The following PRDM5 variants were observed in gnomAD, a reference collection of about 807,000 sequenced individuals.
PRDM5 encodes the protein PR/SET domain 5.
PRDM5 carries 56 observed loss-of-function variants against 81.2 expected under a neutral mutation model. The ratio of observed to expected loss-of-function variants is 0.69; its 90% CI spans 0.56 to 0.86. PRDM5 has a LOEUF of 0.86. PRDM5 is among the 40% of genes least tolerant of loss of function. The pLI, the probability that PRDM5 is intolerant of heterozygous loss-of-function variation, is 0.00. For synonymous variants in PRDM5, 267 were observed against 256.4 expected (o/e 1.04, Z -0.39); for missense variants, 697 against 770.1 (o/e 0.91, Z 1.12).
At chr4:120,701,264 C>A (rs534235736) in intron 15 of PRDM5, among the ~76,000 whole-genome samples, 24 of 152,020 alleles carry the variant, frequency 1.6e-4, no homozygotes, top group African/African-American at 5.5e-4. Flanking sequence ...GAAAAACAGT[C>A]TGGAGATTTC....
chr4:120,816,542 T>TC lies in PRDM5; in HGVS notation c.775dup (p.Asp259GlyfsTer9), dbSNP rs1057517804. 3.1e-6 allele frequency: 5 copies of TC among 1,613,898 alleles called. No individual in the cohort carries two copies. Among genetic ancestry groups the TC allele is most frequent in the Non-Finnish European group, 4.2e-6 (5 of 1,179,994 alleles). On this transcript the variant is annotated frameshift_variant, in exon 7 of 16. Transcript: ENST00000264808. LOFTEE classifies it high-confidence loss of function. ...GTCAGCCTTGCACACAAACCTGGCA[T>TC]CCCCCCGGCAAGTCTCCTGGTGCTG...
Position 120,710,357 on chromosome 4 carries a change from C to T in PRDM5, c.1680G>A (p.Leu560=). Residue 560 remains leucine (L), a synonymous_variant, in exon 15 of 16, where the codon CTG becomes CTA. Coordinates refer to ENST00000264808, the MANE Select transcript of PRDM5 (RefSeq NM_018699.4). ...CAGTGTGCGTCCTCTTGTGCTCATC[C>T]AGGCCTCGCTTCTGGCTGAAGGCCT... ...CSKAFSQKRG[L]DEHKRTHTGE... is the part of the protein sequence containing the mutation. 1 of 1,614,104 alleles carries T rather than the reference C, an allele frequency of 6.2e-7. No homozygotes were observed. Among genetic ancestry groups the T allele is most frequent in the Non-Finnish European group, 8.5e-7 (1 of 1,180,022 alleles).
At chr4:120,686,679 A>G (rs1029440585) in intron 1 of PRDM5, among the ~76,000 whole-genome samples, 4 of 152,056 alleles carry the variant, frequency 2.6e-5, no homozygotes, top group African/African-American at 4.8e-5. Context: ...TATCTATTAA[A>G]TATCTATATT....
chr4:120,710,787 T>C (rs1736853018), intron 14 of PRDM5, among the ~76,000 whole-genome samples: 1 of 152,082 alleles, frequency 6.6e-6, no homozygotes, highest in African/African-American at 2.4e-5. Flanking sequence ...CCACCATGAC[T>C]GTAAGTTTCC....
At chr4:120,872,789 G>A (rs1761966821) in intron 2 of PRDM5, among the ~76,000 whole-genome samples, 1 of 152,100 alleles carries the variant, frequency 6.6e-6, no homozygotes, top group Non-Finnish European at 1.5e-5. Flanking sequence ...CAAATTCCTA[G>A]AATTTGAAAG....
At chr4:120,823,317 G>T (rs778204260) in intron 3 of PRDM5, among the ~76,000 whole-genome samples, 9 of 152,060 alleles carry the variant, frequency 5.9e-5, no homozygotes, top group South Asian at 2.1e-4. Context: ...TGTAATAAAA[G>T]AAAATTTTCA....
chr4:120,842,719 T>C (rs1486817817), intron 3 of PRDM5, among the ~76,000 whole-genome samples: 3 of 152,228 alleles, frequency 2.0e-5, no homozygotes, highest in Admixed American at 6.5e-5. Flanking sequence ...TTAATCTAAA[T>C]ATGAAATGTA....
intron 15 of PRDM5, among the ~76,000 whole-genome samples, chr4:120,698,863 GC>G (rs971716781): frequency 6.6e-6 from 1 of 151,838 alleles, no homozygotes; most frequent in African/African-American, 2.4e-5. Flanking sequence ...CATCTCCACT[GC>G]CACCACCTTA....
intron 14 of PRDM5, among the ~76,000 whole-genome samples, chr4:120,724,947 G>A (rs2149068483): frequency 6.6e-6 from 1 of 152,278 alleles, no homozygotes; most frequent in Admixed American, 6.5e-5. Flanking sequence ...GGAGGTAGTA[G>A]CATAAACCTG....
chr4:120,795,110 T>C (rs972720742), intron 10 of PRDM5, among the ~76,000 whole-genome samples: 1 of 152,162 alleles, frequency 6.6e-6, no homozygotes, highest in Admixed American at 6.5e-5. Context: ...GAAGGCTAAG[T>C]AAAGGGTCAG....
Position 120,818,417 on chromosome 4 carries a change from C to T in PRDM5, c.586G>A (p.Glu196Lys). The T allele has an allele frequency of 6.2e-7, 1 of 1,614,070 alleles. No individual in the cohort carries two copies. Among genetic ancestry groups the T allele is most frequent in the Non-Finnish European group, 8.5e-7 (1 of 1,179,972 alleles). The change falls in exon 5 of 16, where the codon GAG becomes AAG. Residue 196 changes from glutamate (E) to lysine (K), a missense_variant. Coordinates refer to ENST00000264808, the MANE Select transcript of PRDM5 (RefSeq NM_018699.4). ...LQTLHQKPTEEKEFKCKNCGK... is the reference protein window; with the variant it reads ...LQTLHQKPTEKKEFKCKNCGK... ...CAGTTCTTGCACTTAAATTCTTTCT[C>T]CTCTGTGGGTTTCTGGTGCAATGTC...
At chr4:120,865,308 C>T (rs1253259286) in intron 2 of PRDM5, among the ~76,000 whole-genome samples, 1 of 152,212 alleles carries the variant, frequency 6.6e-6, no homozygotes, top group African/African-American at 2.4e-5. Context: ...CAAATCTCCT[C>T]ACTCTGAGAA....
intron 2 of PRDM5, among the ~76,000 whole-genome samples, chr4:120,863,473 AG>A (rs1459635119): frequency 6.6e-6 from 1 of 152,162 alleles, no homozygotes; most frequent in African/African-American, 2.4e-5. Flanking sequence ...AGGTGAACTT[AG>A]TTCCATGTGC....
At chr4:120,870,532 A>G (rs1442541488) in intron 2 of PRDM5, among the ~76,000 whole-genome samples, 1 of 152,192 alleles carries the variant, frequency 6.6e-6, no homozygotes, top group Non-Finnish European at 1.5e-5. Context: ...TATTCAGAGA[A>G]TAGCAGGGAG....
chr4:120,797,982 T>C lies in PRDM5; in HGVS notation c.1188+285A>G, dbSNP rs540101950. Among the ~76,000 whole-genome samples the C allele has an allele frequency of 6.6e-5, 10 of 152,184 alleles. No homozygotes were observed. The East Asian group carries it at 1.2e-3, about 18-fold the overall frequency. On this transcript the variant is annotated intron_variant, in intron 10 of 15. Coordinates refer to ENST00000264808, the MANE Select transcript of PRDM5 (RefSeq NM_018699.4). ...ACGTAAATAAAAACATCAAAGTTTA[T>C]GGAAAGAAGGAAGAGAATAAAGACT...
chr4:120,710,269 T>G (rs1205052069), intron 15 of PRDM5, 40 bp downstream of exon 15: 1 of 1,533,318 alleles, frequency 6.5e-7, no homozygotes. Context: ...CTACTTTCTG[T>G]TATTGGAAGA....
intron 2 of PRDM5, among the ~76,000 whole-genome samples, chr4:120,862,394 A>C (rs900402428): frequency 5.3e-5 from 8 of 152,254 alleles, no homozygotes; most frequent in African/African-American, 1.9e-4. Flanking sequence ...AAGGACATAC[A>C]AATGAACTGC....
chr4:120,686,400 AC>A (rs1733834607), intron 1 of PRDM5, among the ~76,000 whole-genome samples: 2 of 152,088 alleles, frequency 1.3e-5, no homozygotes, highest in South Asian at 4.1e-4. Flanking sequence ...GTTACATTGT[AC>A]CTTTGTTAAA....
chr4:120,909,920 T>C (rs6820869), intron 1 of PRDM5, among the ~76,000 whole-genome samples: 150,969 of 152,238 alleles, frequency 0.99, 74,865 homozygotes, highest in Middle Eastern at 1. Context: ...GTATCTCAAC[T>C]TAGCACATTC....
Sources: allele counts gnomAD v4.1 joint callset (sites outside exome capture counted in the v4.1 genomes callset), GRCh38; gene constraint gnomAD v4.1.1; transcripts MANE v1.5; gene names NCBI Gene and HGNC (gene_info 2026-07-23, HGNC 2026-07-21).